Variants in EPHA5 observed in about 807,000 individuals in gnomAD.
EPHA5 encodes EPH receptor A5, also known as ephrin type-A receptor 5.
Under a neutral mutation model 105.0 loss-of-function variants are expected in EPHA5, and 60 were observed. The ratio of observed to expected loss-of-function variants is 0.57; its 90% CI spans 0.46 to 0.71. The LOEUF (loss-of-function observed/expected upper bound fraction) is 0.71. Among genes scored for constraint, EPHA5 ranks in the 30% least tolerant of loss-of-function variants. The probability of loss-of-function intolerance (pLI) is 0.00; values close to 1 mark genes in which losing one functional copy is unlikely to be tolerated. For missense variants in EPHA5, 1,218 were observed against 1,274.7 expected (o/e 0.96, Z 0.68); for synonymous variants, 513 against 449.1 (o/e 1.14, Z -1.80).
At chr4:65,460,766 T>C (rs1359333388) in intron 5 of EPHA5, among the ~76,000 whole-genome samples, 1 of 151,796 alleles carries the variant, frequency 6.6e-6, no homozygotes, top group African/African-American at 2.4e-5. Context: ...ATTGAAACTG[T>C]AATGGTGAAA....
intron 5 of EPHA5, among the ~76,000 whole-genome samples, chr4:65,461,380 C>G (rs925201575): frequency 7.2e-5 from 11 of 151,922 alleles, no homozygotes; most frequent in Non-Finnish European, 1.6e-4. Context: ...CACTGAAAAA[C>G]AGAAAATTTA....
At chr4:65,523,506 G>A (rs1224436252) in intron 3 of EPHA5, among the ~76,000 whole-genome samples, 1 of 151,980 alleles carries the variant, frequency 6.6e-6, no homozygotes, top group Non-Finnish European at 1.5e-5. Context: ...ACAAAAGACA[G>A]GTTCTGAGAG....
chr4:65,356,483 T>TG lies in EPHA5; in HGVS notation c.2174-3381dup, dbSNP rs1723305096. 4.0e-5 allele frequency among the ~76,000 whole-genome samples: 6 copies of TG among 151,608 alleles called. No homozygotes were observed. In the South Asian group the frequency reaches 1.2e-3, roughly 31 times the overall value. ...TTATTAACACTGAATAGTATATATT[T>TG]GGGGAAAAAAAGGGAGATGGGCACC... On this transcript the variant is annotated intron_variant, in intron 11 of 16. Coordinates refer to ENST00000613740, the MANE Select transcript of EPHA5 (RefSeq NM_001281766.3).
rs143224023 is a variant in EPHA5, at chr4:65,453,808, T to C, written c.1403-33243A>G. 5.9e-5 allele frequency among the ~76,000 whole-genome samples: 9 copies of C among 152,300 alleles called. No individual in the cohort carries two copies. The East Asian group carries it at 1.7e-3, about 29-fold the overall frequency. Reference sequence around the variant, plus strand: ...CTAAGTCAAATGTCAAACCAGGCAGTTGATCTGTCAAGTCACCCACTTTTC... The same window carrying C: ...CTAAGTCAAATGTCAAACCAGGCAGCTGATCTGTCAAGTCACCCACTTTTC... On this transcript the variant is annotated intron_variant, in intron 5 of 16. Transcript: ENST00000613740.
chr4:65,661,206 A>G (rs1464820184), intron 1 of EPHA5, among the ~76,000 whole-genome samples: 2 of 152,194 alleles, frequency 1.3e-5, no homozygotes, highest in Admixed American at 1.3e-4. Flanking sequence ...AACAAAAACT[A>G]AAACCATGTT....
intron 11 of EPHA5, among the ~76,000 whole-genome samples, chr4:65,353,456 T>A (rs1182899397): frequency 6.7e-6 from 1 of 149,894 alleles, no homozygotes; most frequent in African/African-American, 2.4e-5. Flanking sequence ...GTTGAGTCAG[T>A]GAGAAAAATG....
intron 3 of EPHA5, among the ~76,000 whole-genome samples, chr4:65,541,878 C>T (rs1736871579): frequency 6.6e-6 from 1 of 151,824 alleles, no homozygotes; most frequent in Admixed American, 6.6e-5. Context: ...GAACTGAAAT[C>T]GTAACAGACA....
At chr4:65,547,494 T>C (rs912393714) in intron 3 of EPHA5, among the ~76,000 whole-genome samples, 13 of 151,976 alleles carry the variant, frequency 8.6e-5, no homozygotes, top group African/African-American at 2.9e-4. Flanking sequence ...CATTTTTATT[T>C]TTTTTCCTGG....
At chr4:65,514,862 G>A (rs1733951387) in intron 3 of EPHA5, among the ~76,000 whole-genome samples, 1 of 152,018 alleles carries the variant, frequency 6.6e-6, no homozygotes, top group South Asian at 2.1e-4. Flanking sequence ...ATGAACACAA[G>A]CCTTCCACAA....
At chr4:65,352,346 C>T (rs1036345363) in intron 12 of EPHA5, among the ~76,000 whole-genome samples, 3 of 151,990 alleles carry the variant, frequency 2.0e-5, no homozygotes, top group Admixed American at 6.6e-5. Context: ...CTTTTTCCTA[C>T]CAATGGTAAT....
At chr4:65,609,116 TAAC>T (rs980603248) in intron 2 of EPHA5, among the ~76,000 whole-genome samples, 1 of 152,150 alleles carries the variant, frequency 6.6e-6, no homozygotes, top group Non-Finnish European at 1.5e-5. Flanking sequence ...TTTTTACATA[TAAC>T]AACAAGAAAA....
At chr4:65,342,462 A>C (rs527380363) in intron 14 of EPHA5, among the ~76,000 whole-genome samples, 1 of 152,100 alleles carries the variant, frequency 6.6e-6, no homozygotes, top group East Asian at 1.9e-4. Context: ...TTCTTTAGTT[A>C]ATTACAACAT....
chr4:65,451,223 A>G (rs1727034192), intron 5 of EPHA5, among the ~76,000 whole-genome samples: 2 of 152,122 alleles, frequency 1.3e-5, no homozygotes, highest in Admixed American at 1.3e-4. Context: ...CTAGCTTTTT[A>G]TTTTTTCATT....
chr4:65,388,574 A>G (rs1451513962), intron 8 of EPHA5, among the ~76,000 whole-genome samples: 3 of 151,626 alleles, frequency 2.0e-5, no homozygotes, highest in African/African-American at 4.9e-5. Flanking sequence ...GCCAGTGATG[A>G]TGAGTATTTT....
intron 2 of EPHA5, among the ~76,000 whole-genome samples, chr4:65,641,335 C>A (rs1270953810): frequency 1.3e-5 from 2 of 152,040 alleles, no homozygotes; most frequent in African/African-American, 4.8e-5. Context: ...TATATTGCTC[C>A]AAGATGTTGT....
intron 2 of EPHA5, among the ~76,000 whole-genome samples, chr4:65,603,969 A>T (rs187450973): frequency 7.3e-6 from 1 of 137,538 alleles, no homozygotes; most frequent in East Asian, 2.1e-4. Context: ...AGAATATGTC[A>T]ACTAACCAAA....
intron 3 of EPHA5, among the ~76,000 whole-genome samples, chr4:65,524,961 C>G (rs916928918): frequency 3.7e-4 from 56 of 151,708 alleles, no homozygotes; most frequent in African/African-American, 1.3e-3. Context: ...TGACACGTAT[C>G]ATTAAAAAGT....
At chr4:65,557,551 G>A (rs1311384089) in intron 3 of EPHA5, among the ~76,000 whole-genome samples, 1 of 151,884 alleles carries the variant, frequency 6.6e-6, no homozygotes, top group Non-Finnish European at 1.5e-5. Flanking sequence ...AATTCATGAA[G>A]ATTATCTCAC....
chr4:65,339,021 C>T (rs1325854410), intron 14 of EPHA5, among the ~76,000 whole-genome samples: 1 of 152,098 alleles, frequency 6.6e-6, no homozygotes, highest in African/African-American at 2.4e-5. Context: ...TTTTTACAGG[C>T]AAGCTGGCAC....
Sources: gnomAD v4.1 joint callset for allele counts (sites outside exome capture counted in the v4.1 genomes callset) on GRCh38, gnomAD v4.1.1 for gene constraint, MANE v1.5 for transcripts, NCBI Gene and HGNC (gene_info 2026-07-23, HGNC 2026-07-21) for gene names.